Variants in RAB11FIP4 observed in about 807,000 individuals in gnomAD.
RAB11FIP4 encodes the protein RAB11 family interacting protein 4.
In RAB11FIP4, 23 loss-of-function variants were observed where a neutral mutation model predicts 74.3. The ratio of observed to expected loss-of-function variants is 0.31; its 90% CI spans 0.22 to 0.44. The LOEUF is 0.44. Among genes scored for constraint, RAB11FIP4 ranks in the 20% least tolerant of loss-of-function variants. The probability of loss-of-function intolerance (pLI) is 1.00; values close to 1 mark genes in which losing one functional copy is unlikely to be tolerated. For synonymous variants in RAB11FIP4, 360 were observed against 359.9 expected (o/e 1.00, Z 0.00); for missense variants, 630 against 863.9 (o/e 0.73, Z 3.39).
At chr17:31,514,950 A>G (rs536345878) in intron 3 of RAB11FIP4, among the ~76,000 whole-genome samples, 4 of 152,324 alleles carry the variant, frequency 2.6e-5, no homozygotes, top group South Asian at 2.1e-4. Flanking sequence ...GGGAGGTGTC[A>G]AGGATAAATG....
At chr17:31,523,357 G>A in intron 7 of RAB11FIP4, 155 bp from the exon 8 acceptor site, 1 of 680,480 alleles carries the variant, frequency 1.5e-6, no homozygotes, top group African/African-American at 1.8e-5. Flanking sequence ...GATCCGCTGA[G>A]TTTGGCAACA....
intron 13 of RAB11FIP4, among the ~76,000 whole-genome samples, chr17:31,529,702 A>G (rs2072832755): frequency 6.6e-6 from 1 of 152,208 alleles, no homozygotes. Flanking sequence ...AAGAGCCTGC[A>G]GCATAAATTA....
intron 3 of RAB11FIP4, among the ~76,000 whole-genome samples, chr17:31,442,755 T>TCAGGACCAACC (rs1354236952): frequency 2.2e-4 from 33 of 151,416 alleles, no homozygotes; most frequent in Middle Eastern, 3.4e-3. Flanking sequence ...AGGTCAGGAG[T>TCAGGACCAACC]TTGAGACCAG....
chr17:31,472,714 G>T (rs1597937660), intron 3 of RAB11FIP4, among the ~76,000 whole-genome samples: 1 of 152,160 alleles, frequency 6.6e-6, no homozygotes, highest in South Asian at 2.1e-4. Context: ...CATGCAGGAG[G>T]TGACGTGAGC....
intron 1 of RAB11FIP4, among the ~76,000 whole-genome samples, chr17:31,396,499 A>G (rs2070932811): frequency 6.6e-6 from 1 of 152,234 alleles, no homozygotes; most frequent in Non-Finnish European, 1.5e-5. Context: ...TGCACAGAGT[A>G]GGCATAATAT....
intron 1 of RAB11FIP4, among the ~76,000 whole-genome samples, chr17:31,393,855 C>T (rs532373308): frequency 6.6e-6 from 1 of 152,164 alleles, no homozygotes; most frequent in African/African-American, 2.4e-5. Context: ...ATTCAGTTTT[C>T]CTAGCAATAA....
chr17:31,533,237 C>A lies in RAB11FIP4; in HGVS notation c.*1505C>A, dbSNP rs916430814. The A allele has an allele frequency of 2.6e-5, 4 of 152,158 alleles. No homozygotes were observed. The highest frequency in any genetic ancestry group is 4.8e-5 in the African/African-American group (2 of 41,414). 9.4% of individuals were successfully genotyped at this position (152,158 alleles called of 1,614,324 possible). On this transcript the variant is annotated 3_prime_UTR_variant, in exon 15 of 15. Coordinates refer to ENST00000621161, the MANE Select transcript of RAB11FIP4 (RefSeq NM_032932.6). ...GAGGCAGGGCTGTGGCCAGGACCAA[C>A]CTTCAATTCCATTCCAATCAGCCTT...
intron 1 of RAB11FIP4, among the ~76,000 whole-genome samples, chr17:31,395,773 G>A (rs1219571321): frequency 6.6e-6 from 1 of 152,138 alleles, no homozygotes; most frequent in Non-Finnish European, 1.5e-5. Flanking sequence ...AGGACATTAG[G>A]TAAAAACTAA....
intron 3 of RAB11FIP4, among the ~76,000 whole-genome samples, chr17:31,505,496 T>TATTTATAATTAAA (rs2072308370): frequency 3.0e-5 from 2 of 66,466 alleles, no homozygotes; most frequent in African/African-American, 1.1e-4. Flanking sequence ...TAATATATAA[T>TATTTATAATTAAA]TATTATATTA....
chr17:31,505,558 A>T (rs9747444), intron 3 of RAB11FIP4, among the ~76,000 whole-genome samples: 1,343 of 73,770 alleles, frequency 0.018, 26 homozygotes, highest in Middle Eastern at 0.056. Flanking sequence ...ATATAATAAT[A>T]ATTATAATAT....
At chr17:31,430,730 C>T (rs922494514) in intron 1 of RAB11FIP4, among the ~76,000 whole-genome samples, 4 of 152,104 alleles carry the variant, frequency 2.6e-5, no homozygotes, top group African/African-American at 7.2e-5. Flanking sequence ...GTGGGTGACA[C>T]GATCCAGTTA....
At chr17:31,421,740 G>A (rs1206348639) in intron 1 of RAB11FIP4, among the ~76,000 whole-genome samples, 1 of 151,094 alleles carries the variant, frequency 6.6e-6, no homozygotes, top group Non-Finnish European at 1.5e-5. Context: ...TGTATTTTTA[G>A]TAGGGATGGG....
At chr17:31,522,146 TG>T in intron 6 of RAB11FIP4, 97 bp downstream of exon 6, 1 of 1,511,838 alleles carries the variant, frequency 6.6e-7, no homozygotes, top group Non-Finnish European at 9.1e-7. Context: ...CCCTGCTGTC[TG>T]GGCAGGTGAG....
chr17:31,495,401 G>A (rs1425771485), intron 3 of RAB11FIP4, among the ~76,000 whole-genome samples: 3 of 131,252 alleles, frequency 2.3e-5, no homozygotes, highest in African/African-American at 9.0e-5. Flanking sequence ...TTGAGACAGG[G>A]TTTCGCATTT....
intron 8 of RAB11FIP4, 128 bp from the exon 9 acceptor site, chr17:31,523,765 A>G: frequency 2.0e-6 from 2 of 982,040 alleles, no homozygotes; most frequent in Admixed American, 1.8e-5. Context: ...CCACTCCCCC[A>G]CCCCACACAT....
At chr17:31,406,705 G>A (rs2071045271) in intron 1 of RAB11FIP4, among the ~76,000 whole-genome samples, 1 of 152,034 alleles carries the variant, frequency 6.6e-6, no homozygotes, top group Admixed American at 6.6e-5. Context: ...TCTTTTTTCA[G>A]CATTTATCAA....
chr17:31,530,610 A>G, intron 14 of RAB11FIP4, 141 bp downstream of exon 14: 6 of 1,154,674 alleles, frequency 5.2e-6, no homozygotes, highest in Non-Finnish European at 7.3e-6. Context: ...ATGACAGGGC[A>G]AGGCTGTGAG....
chr17:31,532,962 TA>T lies in RAB11FIP4; in HGVS notation c.*1231del. On this transcript the variant is annotated 3_prime_UTR_variant, in exon 15 of 15. Transcript: ENST00000621161. ...GGCAGCTGGGAATAGACATGGTACT[TA>T]CCTTAGAGTTTTCCAATTTATCTCA... The T allele has an allele frequency of 6.6e-6, 1 of 152,368 alleles. No homozygotes were observed. 9.4% of individuals were successfully genotyped at this position (152,368 alleles called of 1,614,324 possible).
At chr17:31,420,564 C>G (rs1020959003) in intron 1 of RAB11FIP4, among the ~76,000 whole-genome samples, 1 of 151,642 alleles carries the variant, frequency 6.6e-6, no homozygotes, top group African/African-American at 2.4e-5. Context: ...TGTATTCTCT[C>G]TCTCTTTCTC....
Sources: gnomAD v4.1 joint callset for allele counts (sites outside exome capture counted in the v4.1 genomes callset) on GRCh38, gnomAD v4.1.1 for gene constraint, MANE v1.5 for transcripts, NCBI Gene and HGNC (gene_info 2026-07-23, HGNC 2026-07-21) for gene names.